Variants in MYO5A observed in about 807,000 individuals in gnomAD.
MYO5A encodes the protein myosin VA.
In MYO5A, 98 loss-of-function variants were observed where a neutral mutation model predicts 249.7. That is an observed-to-expected ratio of 0.39 (90% confidence interval 0.33 to 0.46). The LOEUF (loss-of-function observed/expected upper bound fraction) is 0.46, where lower values mean the gene tolerates loss of function less well. MYO5A is among the 20% of genes least tolerant of loss of function. The pLI is 0.98. For synonymous variants in MYO5A, 778 were observed against 810.6 expected (o/e 0.96, Z 0.68); for missense variants, 1,696 against 2,308.8 (o/e 0.73, Z 5.44).
intron 11 of MYO5A, among the ~76,000 whole-genome samples, chr15:52,394,506 T>C (rs770220899): frequency 3.3e-5 from 5 of 151,996 alleles, no homozygotes; most frequent in Non-Finnish European, 5.9e-5. Context: ...AGAAGATGTA[T>C]ACAGACTAGA....
At chr15:52,423,054 G>C (rs751808655) in intron 4 of MYO5A, among the ~76,000 whole-genome samples, 2 of 152,122 alleles carry the variant, frequency 1.3e-5, no homozygotes, top group East Asian at 1.9e-4. Flanking sequence ...GCCTGACTTC[G>C]TGGGGTAGGA....
chr15:52,426,317 GTTT>G lies in MYO5A; in HGVS notation c.311-346_311-344del, dbSNP rs33984064. 2.1e-3 allele frequency among the ~76,000 whole-genome samples: 297 copies of G among 141,742 alleles called. 1 individual carries two copies. Among genetic ancestry groups the G allele is most frequent in the East Asian group, 0.011 (55 of 5,056 alleles). 93.0% of individuals were successfully genotyped at this position (141,742 alleles called of 152,430 possible). ...AAATAATCAGAAATTCATGCAAAGA[GTTT>G]TTTTTTTTTTTTTCACAAAGATGTT... On this transcript the variant is annotated intron_variant, in intron 3 of 41. Transcript: ENST00000399233.
chr15:52,414,241 A>C (rs1303762647), intron 5 of MYO5A, among the ~76,000 whole-genome samples: 3 of 152,166 alleles, frequency 2.0e-5, no homozygotes, highest in African/African-American at 7.2e-5. Context: ...CATGTTATGC[A>C]GCACGCCGGC....
chr15:52,397,187 C>G lies in MYO5A; in HGVS notation c.1319+14G>C, dbSNP rs2042526741. On this transcript the variant is annotated intron_variant, in intron 10 of 41. Transcript: ENST00000399233. ...AAATGTTCTCTGGCAGACCAATTAG[C>G]CAAATATACTCACCCGTAAATGTCT... 2 of 1,613,362 alleles carry G rather than the reference C, an allele frequency of 1.2e-6. No homozygotes were observed. The highest frequency in any genetic ancestry group is 3.3e-5 in the Admixed American group (2 of 59,980).
rs1352096125 is a variant in MYO5A, at chr15:52,381,778, T to A, written c.2012+1313A>T. On this transcript the variant is annotated intron_variant, in intron 16 of 41. Coordinates refer to ENST00000399233, the MANE Select transcript of MYO5A (RefSeq NM_001382347.1). Reference sequence around the variant, plus strand: ...CTCCTTTTGTGTCTCTCTCTCTCTCTCTCTCACACACACACACACACACAC... The same window carrying A: ...CTCCTTTTGTGTCTCTCTCTCTCTCACTCTCACACACACACACACACACAC... 1.8e-4 allele frequency among the ~76,000 whole-genome samples: 15 copies of A among 81,398 alleles called. No individual in the cohort carries two copies. The Admixed American group carries it at 2.0e-3, about 11-fold the overall frequency. 53.4% of individuals were successfully genotyped at this position (81,398 alleles called of 152,430 possible).
At chr15:52,329,224 TG>T (rs1231784057) in intron 35 of MYO5A, 1 of 152,242 alleles carries the variant, frequency 6.6e-6, no homozygotes, top group Non-Finnish European at 1.5e-5. Flanking sequence ...TAAAAACCAG[TG>T]GCTCCTTAAC....
At chr15:52,405,211 T>C in intron 9 of MYO5A, 76 bp downstream of exon 9, 4 of 1,043,144 alleles carry the variant, frequency 3.8e-6, no homozygotes, top group East Asian at 2.5e-5. Flanking sequence ...ACTTAAACTA[T>C]ATTGCTTCTT....
intron 2 of MYO5A, among the ~76,000 whole-genome samples, chr15:52,432,281 C>T (rs893466916): frequency 6.6e-6 from 1 of 152,182 alleles, no homozygotes; most frequent in African/African-American, 2.4e-5. Flanking sequence ...CAAATATTAG[C>T]AGGAAAAGTT....
intron 34 of MYO5A, among the ~76,000 whole-genome samples, 166 bp downstream of exon 34, chr15:52,336,297 A>G (rs1356300683): frequency 1.3e-5 from 2 of 152,220 alleles, no homozygotes. Flanking sequence ...CTCATTTAAA[A>G]ATGTAAATTT....
intron 25 of MYO5A, among the ~76,000 whole-genome samples, chr15:52,354,855 C>CAAAAAAAA (rs568281513): frequency 1.1e-5 from 1 of 87,994 alleles, no homozygotes. Context: ...CTCCATCTCA[C>CAAAAAAAA]AAAAAAAAAA....
chr15:52,353,862 G>A lies in MYO5A; in HGVS notation c.3567+9C>T. ...AGCTTCAGCTCTGCGGATGGGCTGT[G>A]CTGCGCACCTTGGCCTTGCTGCGGA... On this transcript the variant is annotated intron_variant, in intron 26 of 41. Transcript: ENST00000399233. The A allele has an allele frequency of 6.2e-7, 1 of 1,613,404 alleles. No homozygotes were observed. Among genetic ancestry groups the A allele is most frequent in the Non-Finnish European group, 8.5e-7 (1 of 1,180,042 alleles).
intron 1 of MYO5A, among the ~76,000 whole-genome samples, chr15:52,472,489 C>T (rs1205172173): frequency 1.3e-5 from 2 of 152,064 alleles, no homozygotes; most frequent in Non-Finnish European, 2.9e-5. Flanking sequence ...TGGTGTGCTG[C>T]ACCCATTAAC....
chr15:52,352,011 G>A (rs1447135776), intron 27 of MYO5A, among the ~76,000 whole-genome samples: 1 of 152,164 alleles, frequency 6.6e-6, no homozygotes, highest in Non-Finnish European at 1.5e-5. Flanking sequence ...ATTCAAACTG[G>A]TAAAACTCCC....
At chr15:52,370,798 C>A (rs16964928) in intron 21 of MYO5A, among the ~76,000 whole-genome samples, 14,799 of 152,078 alleles carry the variant, frequency 0.097, 2,238 homozygotes, top group African/African-American at 0.33. Context: ...GTGATGCGTA[C>A]GAATGATTAA....
intron 34 of MYO5A, 78 bp downstream of exon 34, chr15:52,336,385 G>T: frequency 1.1e-6 from 1 of 930,624 alleles, no homozygotes; most frequent in Non-Finnish European, 1.7e-6. Context: ...CCTCTATTAG[G>T]CCACTTATAT....
intron 28 of MYO5A, 38 bp from the exon 29 acceptor site, chr15:52,348,864 A>G (rs946697100): frequency 1.2e-6 from 2 of 1,604,132 alleles, no homozygotes; most frequent in Non-Finnish European, 1.7e-6. Flanking sequence ...AAAACAGAGA[A>G]AACAATAAAC....
intron 1 of MYO5A, among the ~76,000 whole-genome samples, chr15:52,439,649 C>T (rs2075745011): frequency 6.6e-6 from 1 of 152,082 alleles, no homozygotes; most frequent in Admixed American, 6.6e-5. Flanking sequence ...TTCCATGAAG[C>T]CATACCAGAG....
At chr15:52,438,042 T>C (rs1381776418) in intron 1 of MYO5A, 1 of 985,258 alleles carries the variant, frequency 1.0e-6, no homozygotes, top group African/African-American at 1.7e-5. Flanking sequence ...TGCCTTTCTG[T>C]GGTTCTTTTC....
At chr15:52,452,851 A>T (rs1252813298) in intron 1 of MYO5A, among the ~76,000 whole-genome samples, 2 of 151,988 alleles carry the variant, frequency 1.3e-5, no homozygotes, top group African/African-American at 4.8e-5. Flanking sequence ...CCATGTAAAA[A>T]AAAAAAAAAA....
Sources: gnomAD v4.1 joint callset for allele counts (sites outside exome capture counted in the v4.1 genomes callset) on GRCh38, gnomAD v4.1.1 for gene constraint, MANE v1.5 for transcripts, NCBI Gene and HGNC (gene_info 2026-07-23, HGNC 2026-07-21) for gene names.